ENOX2: variants seen among roughly 807,000 people sequenced by gnomAD.
The protein encoded by ENOX2 is ecto-NOX disulfide-thiol exchanger 2.
Under a neutral mutation model 45.0 loss-of-function variants are expected in ENOX2, and 36 were observed. That is an observed-to-expected ratio of 0.80 (90% confidence interval 0.61 to 1.06). The LOEUF is 1.06. Ranked by LOEUF, ENOX2 falls within the 50% of genes least tolerant of loss-of-function variation. The pLI, the probability that ENOX2 is intolerant of heterozygous loss-of-function variation, is 0.00. For missense variants in ENOX2, 423 were observed against 462.5 expected, an observed-to-expected ratio of 0.91 and a Z score of 0.78; for synonymous variants, 174 against 152.3, an observed-to-expected ratio of 1.14 and a Z score of -1.05.
At chrX:130,710,301 C>A (rs2038157119) in intron 3 of ENOX2, among the ~76,000 whole-genome samples, 1 of 111,910 alleles carries the variant, frequency 8.9e-6, no homozygotes, top group African/African-American at 3.2e-5. Flanking sequence ...TGCTCTTGAC[C>A]ACTATGCCCT....
chrX:130,647,479 T>C (rs1377608327), intron 10 of ENOX2, among the ~76,000 whole-genome samples: 1 of 112,240 alleles, frequency 8.9e-6, no homozygotes, highest in African/African-American at 3.2e-5. Context: ...GAATGCTGCA[T>C]GTGTAGGTTG....
At chrX:130,765,543 G>A (rs1200567006) in intron 3 of ENOX2, among the ~76,000 whole-genome samples, 3 of 111,149 alleles carry the variant, frequency 2.7e-5, no homozygotes, top group African/African-American at 6.5e-5. Context: ...TTTGTGTGTG[G>A]TTGTAGTTCA....
rs182380078 is a variant in ENOX2, at chrX:130,753,573, T to G, written c.-39+29974A>C. Reference sequence around the variant, plus strand: ...CTATCTTTATATTCGCCTGTCTATCTCCCTCTGGCCATTTGTCTGTCTGTC... The same window carrying G: ...CTATCTTTATATTCGCCTGTCTATCGCCCTCTGGCCATTTGTCTGTCTGTC... On this transcript the variant is annotated intron_variant, in intron 3 of 14. Transcript: ENST00000394363. Among the ~76,000 whole-genome samples the G allele has an allele frequency of 5.9e-4, 52 of 88,839 alleles. 1 individual carries two copies. Among genetic ancestry groups the G allele is most frequent in the Admixed American group, 5.6e-3 (42 of 7,443 alleles). The allele number at this position is 88,839 out of a possible 115,157, so 77.1% of individuals were successfully genotyped here. A position where few individuals can be genotyped will look rare whatever the true frequency, so the allele number is the denominator to read the frequency against.
intron 12 of ENOX2, among the ~76,000 whole-genome samples, chrX:130,632,804 A>G (rs1444859816): frequency 8.9e-6 from 1 of 111,967 alleles, no homozygotes; most frequent in Non-Finnish European, 1.9e-5. Context: ...TTTCTTGATG[A>G]CCTACTCAAT....
chrX:130,784,550 A>T (rs1228287568), intron 2 of ENOX2, among the ~76,000 whole-genome samples: 2 of 108,431 alleles, frequency 1.8e-5, no homozygotes, highest in Non-Finnish European at 3.8e-5. Context: ...ATCCTATCAA[A>T]GGGGGGGAAA....
rs1267441444 is a variant in ENOX2 at position 130,848,635 on chromosome X, G to C, written c.-183+53049C>G. ...GCAGTAGCAGCAGTGGCTGATGGCA[G>C]CAGACCCTTCCTAAAGCAATCTTAT... On this transcript the variant is annotated intron_variant, in intron 2 of 14. Coordinates refer to ENST00000394363, the MANE Select transcript of ENOX2 (RefSeq NM_006375.4). Among the ~76,000 whole-genome samples the C allele has an allele frequency of 5.4e-5, 6 of 111,927 alleles. No individual in the cohort carries two copies. In the East Asian group the frequency reaches 8.4e-4, roughly 16 times the overall value.
chrX:130,689,095 C>G, intron 4 of ENOX2, 77 bp from the exon 5 acceptor site: 1 of 903,644 alleles, frequency 1.1e-6, no homozygotes, highest in Non-Finnish European at 1.5e-6. Flanking sequence ...TTGTAAGCTT[C>G]AAATCAAAGG....
chrX:130,632,368 G>T (rs1437645451), intron 12 of ENOX2, among the ~76,000 whole-genome samples: 1 of 48,249 alleles, frequency 2.1e-5, no homozygotes, highest in African/African-American at 7.7e-5. Flanking sequence ...AAGGGGCGGG[G>T]GGGGGGGGTG....
chrX:130,665,711 G>T lies in ENOX2; in HGVS notation c.946C>A (p.Gln316Lys), dbSNP rs1468076986. 3.3e-6 allele frequency: 4 copies of T among 1,201,346 alleles called. No homozygotes were observed. The highest frequency in any genetic ancestry group is 1.8e-5 in the South Asian group (1 of 55,421). Residue 316 changes from glutamine (Q) to lysine (K), a missense_variant, in exon 9 of 15, where the codon CAG becomes AAG. Coordinates refer to ENST00000394363, the MANE Select transcript of ENOX2 (RefSeq NM_006375.4). ...IVAVYHSASKQKAWDHFTKAQ... is the reference protein window; with the variant it reads ...IVAVYHSASKKKAWDHFTKAQ... ...TTTGTGAAGTGGTCCCATGCCTTCT[G>T]CTTGGAGGCGGAATGGTACACAGCC...
In ENOX2 at chrX:130,627,957, C is replaced by T. The variant is rs1243079473; in HGVS notation, c.1614+1G>A. Reference sequence around the variant, plus strand: ...CATCCCCATTTTAGGCCCCCATATACCTTATTATCAAGACGGTGCAAGTAG... The same window carrying T: ...CATCCCCATTTTAGGCCCCCATATATCTTATTATCAAGACGGTGCAAGTAG... On this transcript the variant is annotated splice_donor_variant, in intron 14 of 14. Transcript: ENST00000394363. LOFTEE classifies it high-confidence loss of function. 1 of 1,193,195 alleles carries T rather than the reference C, an allele frequency of 8.4e-7. No homozygotes were observed. The highest frequency in any genetic ancestry group is 2.2e-5 in the Admixed American group (1 of 45,988).
intron 2 of ENOX2, among the ~76,000 whole-genome samples, chrX:130,853,659 T>C (rs776898524): frequency 9.1e-6 from 1 of 109,901 alleles, no homozygotes; most frequent in Non-Finnish European, 1.9e-5. Context: ...TAATGAGGTG[T>C]CCCAACCAAC....
chrX:130,729,515 T>C (rs1417856073), intron 3 of ENOX2, among the ~76,000 whole-genome samples: 1 of 111,929 alleles, frequency 8.9e-6, no homozygotes, highest in South Asian at 3.8e-4. Context: ...GACTATTTTT[T>C]TTGCTTCCTG....
At chrX:130,668,418 ATTTAT>A (rs1317810903) in intron 7 of ENOX2, among the ~76,000 whole-genome samples, 1 of 111,560 alleles carries the variant, frequency 9.0e-6, no homozygotes, top group African/African-American at 3.3e-5. Flanking sequence ...TTTTGATGCA[ATTTAT>A]TTTATTTCTA....
rs750332997 is a variant in ENOX2 at position 130,903,193 on chromosome X, C to T, written c.-375G>A. 1 of 113,057 alleles carries T rather than the reference C, an allele frequency of 8.8e-6. No individual in the cohort carries two copies. The highest frequency in any genetic ancestry group is 1.9e-5 in the Non-Finnish European group (1 of 53,307). The allele number at this position is 113,057 out of a possible 1,213,427, so 9.3% of individuals were successfully genotyped here. A position where few individuals can be genotyped will look rare whatever the true frequency, so the allele number is the denominator to read the frequency against. ...GAAATGCCCGCCTCGCGCTTCCAGG[C>T]CTAGACCCGGCACTCTGGCCCAAGG... On this transcript the variant is annotated 5_prime_UTR_variant, in exon 1 of 15. Transcript: ENST00000394363.
intron 2 of ENOX2, among the ~76,000 whole-genome samples, chrX:130,816,578 T>C (rs566349873): frequency 2.7e-5 from 3 of 111,741 alleles, no homozygotes; most frequent in South Asian, 3.7e-4. Flanking sequence ...CAGACAACAA[T>C]GCAATCAAAT....
At chrX:130,811,110 C>T (rs2077382407) in intron 2 of ENOX2, among the ~76,000 whole-genome samples, 1 of 111,906 alleles carries the variant, frequency 8.9e-6, no homozygotes, top group African/African-American at 3.3e-5. Flanking sequence ...AGGCCAGTCC[C>T]TGTGAATTCA....
At chrX:130,824,512 C>T (rs2077679116) in intron 2 of ENOX2, among the ~76,000 whole-genome samples, 2 of 111,683 alleles carry the variant, frequency 1.8e-5, no homozygotes, top group Non-Finnish European at 3.8e-5. Flanking sequence ...GAGAATGATA[C>T]TCTCTTTTAC....
chrX:130,841,439 C>T (rs2078012725), intron 2 of ENOX2, among the ~76,000 whole-genome samples: 1 of 111,750 alleles, frequency 8.9e-6, no homozygotes, highest in Non-Finnish European at 1.9e-5. Context: ...GCTTCCCACC[C>T]TTAGTTCACT....
At chrX:130,652,984 C>T (rs2036446036) in intron 10 of ENOX2, among the ~76,000 whole-genome samples, 1 of 112,306 alleles carries the variant, frequency 8.9e-6, no homozygotes, top group African/African-American at 3.2e-5. Flanking sequence ...ATTTAAGCCA[C>T]CCACTTTGTG....
Sources: allele counts gnomAD v4.1 joint callset (sites outside exome capture counted in the v4.1 genomes callset), GRCh38; gene constraint gnomAD v4.1.1; transcripts MANE v1.5; gene names NCBI Gene and HGNC (gene_info 2026-07-23, HGNC 2026-07-21).